The following BIN1 variants were observed in gnomAD, a reference collection of about 807,000 sequenced individuals.
BIN1 encodes myc box-dependent-interacting protein 1.
In BIN1, 53 loss-of-function variants were observed where a neutral mutation model predicts 82.0. That is an observed-to-expected ratio of 0.65 (90% CI 0.52 to 0.81). The LOEUF (loss-of-function observed/expected upper bound fraction) is 0.81, where lower values mean the gene tolerates loss of function less well. Among genes scored for constraint, BIN1 ranks in the 40% least tolerant of loss-of-function variants. BIN1 has a pLI of 0.00. For synonymous variants in BIN1, 302 were observed against 328.0 expected (o/e 0.92, Z 0.86); for missense variants, 642 against 784.4 (o/e 0.82, Z 2.17).
intron 10 of BIN1, chr2:127,060,788 G>C: frequency 9.3e-7 from 1 of 1,071,650 alleles, no homozygotes; most frequent in East Asian, 2.6e-5. Context: ...CTTGCACAGG[G>C]CCTGGGCGTG....
rs1685514495 is a variant in BIN1 at position 127,068,996 on chromosome 2, G to A, written c.447C>T (p.Asp149=). 1 of 1,614,196 alleles carries A rather than the reference G, an allele frequency of 6.2e-7. No individual in the cohort carries two copies. Among genetic ancestry groups the A allele is most frequent in the Non-Finnish European group, 8.5e-7 (1 of 1,180,030 alleles). ...RIAKRGRKLV[D]YDSARHHYES... ...CGTAGTGGTGCCGGGCACTGTCGTA[G>A]TCCACCAGCTTGCGCCCCCGCTTGG... The change falls in exon 6 of 19, where the codon GAC becomes GAT. Residue 149 remains aspartate (D), a synonymous_variant. Coordinates refer to ENST00000316724, the MANE Select transcript of BIN1 (RefSeq NM_139343.3). This position sits in a 1 kb window ranked among gnomAD's most constrained non-coding sequence, Gnocchi z 4.9.
intron 7 of BIN1, among the ~76,000 whole-genome samples, chr2:127,064,466 C>T (rs1558822511): frequency 6.6e-6 from 1 of 152,204 alleles, no homozygotes; most frequent in African/African-American, 2.4e-5. Context: ...TGTCGCTGCC[C>T]CCAATTGCCC....
At chr2:127,096,671 G>A (rs1286155934) in intron 1 of BIN1, among the ~76,000 whole-genome samples, 2 of 152,142 alleles carry the variant, frequency 1.3e-5, no homozygotes, top group East Asian at 3.9e-4. Context: ...TCTGGCCCCT[G>A]ACACATAATT....
At chr2:127,087,995 G>T (rs1423454034) in intron 1 of BIN1, among the ~76,000 whole-genome samples, 1 of 152,064 alleles carries the variant, frequency 6.6e-6, no homozygotes, top group Non-Finnish European at 1.5e-5. Flanking sequence ...AGCTGCCCAG[G>T]CCTCACCCTC....
chr2:127,053,599 C>T, intron 13 of BIN1, 154 bp from the exon 14 acceptor site: 2 of 1,042,400 alleles, frequency 1.9e-6, no homozygotes, highest in Middle Eastern at 2.6e-4. Context: ...CCAAGATTTG[C>T]AGGTGGCCGA....
At chr2:127,101,208 G>A (rs575004382) in intron 1 of BIN1, among the ~76,000 whole-genome samples, 41 of 152,160 alleles carry the variant, frequency 2.7e-4, no homozygotes, top group African/African-American at 9.4e-4. Flanking sequence ...AACACCCAGC[G>A]AGGCTGCACA....
intron 1 of BIN1, among the ~76,000 whole-genome samples, chr2:127,103,255 G>A (rs1012634448): frequency 2.6e-5 from 4 of 152,160 alleles, no homozygotes; most frequent in Non-Finnish European, 5.9e-5. Flanking sequence ...CAAATATAAC[G>A]CTTGGTGTAC....
intron 1 of BIN1, among the ~76,000 whole-genome samples, chr2:127,104,342 C>G (rs900170745): frequency 1.3e-5 from 2 of 152,124 alleles, no homozygotes. Flanking sequence ...TAACAACAGT[C>G]AAAAAAGAGC....
intron 1 of BIN1, among the ~76,000 whole-genome samples, chr2:127,087,357 C>T (rs1407156026): frequency 6.6e-6 from 1 of 152,240 alleles, no homozygotes; most frequent in East Asian, 1.9e-4. Flanking sequence ...GTCCAGTTGA[C>T]TCCAGGCCAG....
In BIN1 at chr2:127,052,282, G is replaced by A. The variant is rs1472773133; in HGVS notation, c.1344C>T (p.Ser448=). 6.3e-7 allele frequency: 1 copy of A among 1,581,398 alleles called. No homozygotes were observed. Among genetic ancestry groups the A allele is most frequent in the Non-Finnish European group, 8.6e-7 (1 of 1,163,804 alleles). ...AEGTFAVSWP[S]QTAEPGPAQP... is the part of the protein sequence containing the mutation. ...GGGCAGGCCCCGGCTCGGCCGTCTG[G>A]CTGGGCCAGGACACAGCAAAGGTGC... Residue 448 remains serine, a synonymous_variant, in exon 15 of 19, where the codon AGC becomes AGT. Coordinates refer to ENST00000316724, the MANE Select transcript of BIN1 (RefSeq NM_139343.3).
At chr2:127,101,937 C>A (rs756489323) in intron 1 of BIN1, among the ~76,000 whole-genome samples, 1 of 152,134 alleles carries the variant, frequency 6.6e-6, no homozygotes, top group South Asian at 2.1e-4. Flanking sequence ...GGCTAGGAAG[C>A]GGGGCCATGC....
chr2:127,056,936 C>T (rs758849876), intron 12 of BIN1, among the ~76,000 whole-genome samples: 3 of 152,230 alleles, frequency 2.0e-5, no homozygotes, highest in Admixed American at 1.3e-4. Flanking sequence ...GCCAAGGGCC[C>T]GTCGGGAGAG....
chr2:127,098,867 C>A (rs1208148520), intron 1 of BIN1, among the ~76,000 whole-genome samples: 1 of 152,240 alleles, frequency 6.6e-6, no homozygotes, highest in African/African-American at 2.4e-5. Flanking sequence ...AGGCAGGACT[C>A]CTCGGCTGGG....
At position 127,051,212 on chromosome 2, in the gene BIN1, G is replaced by C; in HGVS notation, c.1403C>G (p.Thr468Ser). 4 of 1,613,722 alleles carry C rather than the reference G, an allele frequency of 2.5e-6. No homozygotes were observed. The highest frequency in any genetic ancestry group is 3.4e-6 in the Non-Finnish European group (4 of 1,179,956). ...CTCCTGGGCTCCAGCCGCAGGTTGG[G>C]TCCCACCCGCCACCTCCGAGGCCTC... ...PAEASEVAGG[T>S]QPAAGAQEPG... The change falls in exon 16 of 19, where the codon ACC becomes AGC. Residue 468 changes from threonine to serine, a missense_variant. Physicochemically the swap from Thr to Ser is moderately conservative, Grantham distance 58 (BLOSUM62 1). Coordinates refer to ENST00000316724, the MANE Select transcript of BIN1 (RefSeq NM_139343.3).
rs1044053855 is a variant in BIN1 at position 127,093,496 on chromosome 2, A to G, written c.84+13364T>C. Among the ~76,000 whole-genome samples the G allele has an allele frequency of 6.6e-6, 1 of 152,166 alleles. No individual in the cohort carries two copies. The highest frequency in any genetic ancestry group is 1.5e-5 in the Non-Finnish European group (1 of 68,030). On this transcript the variant is annotated intron_variant, in intron 1 of 18. Transcript: ENST00000316724. The surrounding 1 kb of genome is among the most constrained non-coding windows in gnomAD (Gnocchi z 5.7). ...TGCGCTGTATGTGGGAGGAAGCCAC[A>G]CAACACAGAGAGGCCGGAAAGAAGC...
intron 1 of BIN1, among the ~76,000 whole-genome samples, chr2:127,094,594 C>T (rs546984102): frequency 9.3e-4 from 142 of 152,364 alleles, no homozygotes; most frequent in African/African-American, 3.4e-3. Context: ...AGTCTAAGCA[C>T]TGGAGTGGCG....
intron 10 of BIN1, among the ~76,000 whole-genome samples, chr2:127,061,874 A>G (rs576042951): frequency 1.4e-4 from 22 of 152,194 alleles, no homozygotes; most frequent in Non-Finnish European, 2.5e-4. Context: ...CGGCTCAGGG[A>G]CCCGCGGACT....
Position 127,059,135 on chromosome 2 carries a change from C to G in BIN1, c.878G>C (p.Gly293Ala). ...ATCTGGAGGCGAAGGGCTCTTGTTC[C>G]CTTTTGCAGGCGCGTTGTCACTGTG... ...AQPSDNAPAK[G>A]NKSPSPPDGS... is the part of the protein sequence containing the mutation. The change falls in exon 11 of 19, where the codon GGG becomes GCG. Residue 293 changes from glycine to alanine, a missense_variant. By Grantham distance (60) the Gly-to-Ala change is moderately conservative. Transcript: ENST00000316724. The surrounding 1 kb of genome is among the most constrained non-coding windows in gnomAD (Gnocchi z 6.7). 1.3e-6 allele frequency: 2 copies of G among 1,585,182 alleles called. No individual in the cohort carries two copies. Among genetic ancestry groups the G allele is most frequent in the Non-Finnish European group, 1.7e-6 (2 of 1,166,260 alleles).
rs5834162 is a variant in BIN1, at chr2:127,067,068, CAAA to C, written c.612+1092_612+1094del. On this transcript the variant is annotated intron_variant, in intron 7 of 18. Transcript: ENST00000316724. The surrounding 1 kb of genome is among the most constrained non-coding windows in gnomAD (Gnocchi z 4.7). ...CCAGGGGAACGGAGAGAAACCCGTT[CAAA>C]AAAAAAAAAAAAATAGAAAAAGAAA... 7.8e-5 allele frequency among the ~76,000 whole-genome samples: 9 copies of C among 115,304 alleles called. No individual in the cohort carries two copies. The highest frequency in any genetic ancestry group is 2.7e-4 in the Admixed American group (3 of 11,080). 75.6% of individuals were successfully genotyped at this position (115,304 alleles called of 152,430 possible). A position where few individuals can be genotyped will look rare whatever the true frequency, so the allele number is the denominator to read the frequency against.
Sources: gnomAD v4.1 joint callset for allele counts (sites outside exome capture counted in the v4.1 genomes callset) on GRCh38, gnomAD v4.1.1 for gene constraint, Gnocchi (gnomAD v3.1) non-coding constraint, MANE v1.5 for transcripts, NCBI Gene and HGNC (gene_info 2026-07-23, HGNC 2026-07-21) for gene names.